Variants in ZBTB17 observed in about 807,000 individuals in gnomAD.
ZBTB17 encodes the protein zinc finger and BTB domain containing 17.
A neutral mutation model predicts 85.1 loss-of-function variants in ZBTB17; 24 were observed. That is an observed-to-expected ratio of 0.28 (90% confidence interval 0.20 to 0.40). The LOEUF (loss-of-function observed/expected upper bound fraction) is 0.40. Ranked by LOEUF, ZBTB17 falls within the 10% of genes least tolerant of loss-of-function variation. The pLI is 1.00. For missense variants in ZBTB17, 743 were observed against 1,105.1 expected (o/e 0.67, Z 4.65); for synonymous variants, 464 against 460.2 (o/e 1.01, Z -0.11).
At position 15,944,729 on chromosome 1, in the gene ZBTB17, C is replaced by T. The variant is rs376189174; in HGVS notation, c.1038G>A (p.Pro346=). The T allele has an allele frequency of 5.6e-6, 9 of 1,611,326 alleles. No homozygotes were observed. Among genetic ancestry groups the T allele is most frequent in the African/African-American group, 2.7e-5 (2 of 74,926 alleles). Residue 346 remains proline (P), a synonymous_variant, in exon 8 of 16, where the codon CCG becomes CCA. Transcript: ENST00000375743. The part of the protein sequence containing the change: ...CRECSKAFSD[P]AACKAHEKTH... ...TCTTCTCATGGGCCTTGCACGCGGC[C>T]GGGTCGGAAAAGGCCTTGCTGCACT...
At chr1:15,955,536 G>A (rs1007608426) in intron 2 of ZBTB17, among the ~76,000 whole-genome samples, 15 of 152,282 alleles carry the variant, frequency 9.9e-5, no homozygotes, top group Middle Eastern at 6.8e-3. Flanking sequence ...CCAAGGTTCA[G>A]CAGTATTTTC....
chr1:15,947,214 GA>G (rs563069045), intron 3 of ZBTB17, 91 bp from the exon 4 acceptor site: 14 of 1,351,814 alleles, frequency 1.0e-5, no homozygotes, highest in Non-Finnish European at 1.3e-5. Context: ...AGGACGCAGG[GA>G]TTTAGGAACA....
chr1:15,944,077 AT>A, intron 9 of ZBTB17, 182 bp from the exon 10 acceptor site: 1 of 982,958 alleles, frequency 1.0e-6, no homozygotes, highest in Non-Finnish European at 1.6e-6. Context: ...GCCCCACCCC[AT>A]TTTTTCAGGA....
chr1:15,970,126 A>C, intron 2 of ZBTB17: 1 of 616,012 alleles, frequency 1.6e-6, no homozygotes, highest in Non-Finnish European at 3.0e-6. Flanking sequence ...TTGGGTCATC[A>C]TATGTACCTT....
rs1331330417 is a variant in ZBTB17, at chr1:15,942,471, C to T, written c.2039-51G>A. ...GGTGAAGGCACGGGCACTGCCCCAT[C>T]ATCGCCACCCTGGCAGCAAGCTGCC... On this transcript the variant is annotated intron_variant, in intron 14 of 15. Transcript: ENST00000375743. 11 of 1,611,012 alleles carry T rather than the reference C, an allele frequency of 6.8e-6. No individual in the cohort carries two copies. In the East Asian group the frequency reaches 2.2e-4, roughly 33 times the overall value.
intron 2 of ZBTB17, among the ~76,000 whole-genome samples, chr1:15,963,350 T>A (rs980711627): frequency 6.6e-6 from 1 of 152,080 alleles, no homozygotes; most frequent in Non-Finnish European, 1.5e-5. Context: ...GAGTTAAAAA[T>A]AAAATAAAAT....
At chr1:15,945,970 A>G in intron 5 of ZBTB17, 130 bp from the exon 6 acceptor site, 1 of 1,550,574 alleles carries the variant, frequency 6.4e-7, no homozygotes, top group Non-Finnish European at 8.8e-7. Flanking sequence ...CCCCTAGCCA[A>G]GGCTGTTGTG....
Position 15,973,542 on chromosome 1 carries a change from T to C in ZBTB17, c.-89-417A>G, listed in dbSNP as rs1472740303. On this transcript the variant is annotated intron_variant, in intron 1 of 15. Transcript: ENST00000375743. This position sits in a 1 kb window ranked among gnomAD's most constrained non-coding sequence, Gnocchi z 4.1. Reference sequence around the variant, plus strand: ...ACCTTTGATGGTGATAACTACTAGCTGAACAGGTGCACTTGAATGTTTTAC... The same window carrying C: ...ACCTTTGATGGTGATAACTACTAGCCGAACAGGTGCACTTGAATGTTTTAC... 6.6e-6 allele frequency among the ~76,000 whole-genome samples: 1 copy of C among 152,182 alleles called. No homozygotes were observed. The highest frequency in any genetic ancestry group is 6.5e-5 in the Admixed American group (1 of 15,270).
rs1409611473 is a variant in ZBTB17 at position 15,952,577 on chromosome 1, G to A, written c.-2-4080C>T. Among the ~76,000 whole-genome samples the A allele has an allele frequency of 6.6e-6, 1 of 152,228 alleles. No individual in the cohort carries two copies. The highest frequency in any genetic ancestry group is 1.5e-5 in the Non-Finnish European group (1 of 68,036). ...GTCGGAATCTGGATGGCCCAGAGAC[G>A]ACTCTGACATCAGGATGCTGGGACT... is the stretch of plus-strand genomic sequence containing the variant. On this transcript the variant is annotated intron_variant, in intron 2 of 15. Transcript: ENST00000375743. This position sits in a 1 kb window ranked among gnomAD's most constrained non-coding sequence, Gnocchi z 4.3.
intron 2 of ZBTB17, among the ~76,000 whole-genome samples, chr1:15,970,607 G>A (rs1037932781): frequency 5.9e-5 from 9 of 151,920 alleles, no homozygotes; most frequent in Admixed American, 4.6e-4. Flanking sequence ...GGAGTGCAGT[G>A]GCGTGATCTC....
At chr1:15,965,139 C>G (rs1168041663) in intron 2 of ZBTB17, among the ~76,000 whole-genome samples, 1 of 150,838 alleles carries the variant, frequency 6.6e-6, no homozygotes, top group Non-Finnish European at 1.5e-5. Flanking sequence ...AGAATTTCTG[C>G]TCATCAAAAA....
chr1:15,976,076 TG>T lies in ZBTB17; in HGVS notation c.-184del. On this transcript the variant is annotated 5_prime_UTR_variant, in exon 1 of 16. Transcript: ENST00000375743. ...CCAGAGCAGACAAAGGGCGCCGCCA[TG>T]TTAGAGTCGGGCGGAACCGACCTCG... is the stretch of plus-strand genomic sequence containing the variant. 2 of 687,552 alleles carry T rather than the reference TG, an allele frequency of 2.9e-6. No homozygotes were observed. Among genetic ancestry groups the T allele is most frequent in the Non-Finnish European group, 5.3e-6 (2 of 377,930 alleles). The allele number at this position is 687,552 out of a possible 1,614,324, so 42.6% of individuals were successfully genotyped here.
intron 3 of ZBTB17, 97 bp from the exon 4 acceptor site, chr1:15,947,220 G>A (rs1248137003): frequency 7.7e-7 from 1 of 1,303,528 alleles, no homozygotes; most frequent in African/African-American, 1.5e-5. Context: ...CAGGGATTTA[G>A]GAACAGCTGA....
At chr1:15,968,505 A>G (rs1486577774) in intron 2 of ZBTB17, among the ~76,000 whole-genome samples, 1 of 152,182 alleles carries the variant, frequency 6.6e-6, no homozygotes, top group Non-Finnish European at 1.5e-5. Flanking sequence ...GAGATCAAAA[A>G]CAGGATGCTA....
chr1:15,942,404 A>G lies in ZBTB17; in HGVS notation c.2055T>C (p.Ala685=). 6.2e-7 allele frequency: 1 copy of G among 1,613,248 alleles called. No individual in the cohort carries two copies. The change falls in exon 15 of 16, where the codon GCT becomes GCC. Residue 685 remains alanine (A), a synonymous_variant. Coordinates refer to ENST00000375743, the MANE Select transcript of ZBTB17 (RefSeq NM_003443.3). ...VTQLTVVPVG[A]AVTADETEVL... ...CTTCCGTCTCATCGGCTGTCACTGC[A>G]GCTCCCACCGGCACCACTGCGGGCA... is the stretch of plus-strand genomic sequence containing the variant.
intron 14 of ZBTB17, 36 bp from the exon 15 acceptor site, chr1:15,942,456 C>A (rs757509755): frequency 1.2e-4 from 189 of 1,611,640 alleles, no homozygotes; most frequent in Non-Finnish European, 1.5e-4. Context: ...GGTGAAGGCA[C>A]GGGCACTGCC....
At chr1:15,946,097 GC>G in intron 5 of ZBTB17, 56 bp downstream of exon 5, 1 of 1,599,904 alleles carries the variant, frequency 6.3e-7, no homozygotes, top group Non-Finnish European at 8.5e-7. Flanking sequence ...ACTACCCTGT[GC>G]CCAGGCTGCT....
Position 15,943,380 on chromosome 1 carries a change from G to A in ZBTB17, c.1697+19C>T. ...ACTGTGGGGTGTCTGGCCAGTGGGT[G>A]TGGGGGAGGGGGCAGGACCTCTTGC... On this transcript the variant is annotated intron_variant, in intron 12 of 15. Coordinates refer to ENST00000375743, the MANE Select transcript of ZBTB17 (RefSeq NM_003443.3). 2 of 1,584,854 alleles carry A rather than the reference G, an allele frequency of 1.3e-6. No homozygotes were observed. The highest frequency in any genetic ancestry group is 1.7e-4 in the Middle Eastern group (1 of 5,910).
Position 15,948,387 on chromosome 1 carries a change from C to T in ZBTB17, c.109G>A (p.Ala37Thr). ...TFVVDGVHFKAHKAVLAACSE... is the reference protein window; with the variant it reads ...TFVVDGVHFKTHKAVLAACSE... ...CAGGCCGCCAGCACTGCTTTATGAG[C>T]CTTAAAGTGAACACCGTCCACCACA... The change falls in exon 3 of 16, where the codon GCT (alanine) becomes ACT (threonine). Residue 37 changes from alanine (A) to threonine (T), a missense_variant. By Grantham distance (58) the Ala-to-Thr change is moderately conservative. Around this residue, in one of 4 missense-constraint regions of ZBTB17, gnomAD observed 74 missense variants for 142.6 expected, o/e 0.52. Transcript: ENST00000375743. 6.2e-7 allele frequency: 1 copy of T among 1,614,060 alleles called. No individual in the cohort carries two copies. Among genetic ancestry groups the T allele is most frequent in the East Asian group, 2.2e-5 (1 of 44,888 alleles).
Sources: gnomAD v4.1 joint callset for allele counts (sites outside exome capture counted in the v4.1 genomes callset) on GRCh38, gnomAD v4.1.1 for gene constraint, gnomAD v4.1.1 regional missense constraint, Gnocchi (gnomAD v3.1) non-coding constraint, MANE v1.5 for transcripts, NCBI Gene and HGNC (gene_info 2026-07-23, HGNC 2026-07-21) for gene names.